Variants in GPR158 observed in about 807,000 individuals in gnomAD.
The protein encoded by GPR158 is metabotropic glycine receptor.
In GPR158, 30 loss-of-function variants were observed where a neutral mutation model predicts 78.2. The observed-to-expected ratio is 0.38, with a 90% CI of 0.29 to 0.52. GPR158 has a LOEUF of 0.52. GPR158 is among the 20% of genes least tolerant of loss of function. GPR158 has a pLI of 0.83. For missense variants in GPR158, 1,463 were observed against 1,523.5 expected (o/e 0.96, Z 0.66); for synonymous variants, 581 against 591.1 (o/e 0.98, Z 0.25).
chr10:25,253,991 A>C (rs1463490324), intron 2 of GPR158, among the ~76,000 whole-genome samples: 1 of 152,222 alleles, frequency 6.6e-6, no homozygotes, highest in Non-Finnish European at 1.5e-5. Flanking sequence ...AGCATTGTTT[A>C]GTTTGCTCTT....
At chr10:25,364,545 T>A (rs1855691468) in intron 2 of GPR158, among the ~76,000 whole-genome samples, 1 of 151,924 alleles carries the variant, frequency 6.6e-6, no homozygotes, top group Non-Finnish European at 1.5e-5. Context: ...TTTTTGACTC[T>A]TTAATGCTAA....
chr10:25,209,952 G>C lies in GPR158; in HGVS notation c.903-11100G>C, dbSNP rs141968635. ...AGTTCTGGGCTTGAGCTAAATGATAGAGATGCAGGGTGTTTTTGTGAGCAA... is the reference window on the plus strand; with the variant it reads ...AGTTCTGGGCTTGAGCTAAATGATACAGATGCAGGGTGTTTTTGTGAGCAA... On this transcript the variant is annotated intron_variant, in intron 1 of 10. Transcript: ENST00000376351. 1.6e-3 allele frequency among the ~76,000 whole-genome samples: 240 copies of C among 152,336 alleles called. 1 individual carries two copies. Among genetic ancestry groups the C allele is most frequent in the African/African-American group, 5.7e-3 (235 of 41,568 alleles).
intron 4 of GPR158, among the ~76,000 whole-genome samples, chr10:25,430,824 A>G (rs1485705432): frequency 6.6e-6 from 1 of 151,464 alleles, no homozygotes; most frequent in African/African-American, 2.4e-5. Flanking sequence ...GAAAGCTGAA[A>G]CTGGATCCCT....
intron 2 of GPR158, among the ~76,000 whole-genome samples, chr10:25,263,456 C>T (rs949042352): frequency 1.3e-5 from 2 of 152,144 alleles, no homozygotes; most frequent in Non-Finnish European, 2.9e-5. Flanking sequence ...AATATCAGTC[C>T]TCCAACTTTG....
intron 6 of GPR158, among the ~76,000 whole-genome samples, chr10:25,562,083 A>T (rs1239855854): frequency 6.6e-6 from 1 of 151,638 alleles, no homozygotes; most frequent in Non-Finnish European, 1.5e-5. Context: ...TTGAGGTAAA[A>T]TTTACATAAC....
In GPR158 at chr10:25,327,698, A is replaced by G. The variant is rs1282000458; in HGVS notation, c.1009-68213A>G. On this transcript the variant is annotated intron_variant, in intron 2 of 10. Transcript: ENST00000376351. ...ACTGCTACTATTGATAGGACAGTTA[A>G]TTGCCTGTGTGCTTCATTTTTAACT... 3.3e-5 allele frequency among the ~76,000 whole-genome samples: 5 copies of G among 152,356 alleles called. No homozygotes were observed. In the East Asian group the frequency reaches 9.6e-4, roughly 29 times the overall value.
chr10:25,464,054 C>G (rs1028176625), intron 4 of GPR158, among the ~76,000 whole-genome samples: 1 of 152,188 alleles, frequency 6.6e-6, no homozygotes, highest in South Asian at 2.1e-4. Flanking sequence ...ACAGGACTTA[C>G]ATTTTATTAT....
chr10:25,461,995 C>T (rs1424619815), intron 4 of GPR158, among the ~76,000 whole-genome samples: 1 of 152,116 alleles, frequency 6.6e-6, no homozygotes, highest in African/African-American at 2.4e-5. Flanking sequence ...CCACGTTGGC[C>T]TCCCAACGTG....
chr10:25,185,443 G>A (rs1463532486), intron 1 of GPR158, among the ~76,000 whole-genome samples: 1 of 152,172 alleles, frequency 6.6e-6, no homozygotes, highest in Non-Finnish European at 1.5e-5. Flanking sequence ...GACTAAATAT[G>A]TAGAATCTGT....
intron 2 of GPR158, among the ~76,000 whole-genome samples, chr10:25,378,459 T>C (rs972374941): frequency 6.6e-6 from 1 of 151,406 alleles, no homozygotes; most frequent in African/African-American, 2.4e-5. Flanking sequence ...CCTTCCTACT[T>C]TCCTTCTTTC....
intron 5 of GPR158, among the ~76,000 whole-genome samples, chr10:25,485,220 T>C (rs987009828): frequency 6.6e-6 from 1 of 151,936 alleles, no homozygotes; most frequent in Non-Finnish European, 1.5e-5. Flanking sequence ...ACACTGAAAA[T>C]GGTTGCAAGT....
intron 2 of GPR158, among the ~76,000 whole-genome samples, chr10:25,377,035 G>T (rs112443053): frequency 7.2e-4 from 109 of 151,756 alleles, no homozygotes; most frequent in African/African-American, 2.5e-3. Context: ...TATTAATCCA[G>T]TTTAGGGTTT....
intron 2 of GPR158, among the ~76,000 whole-genome samples, chr10:25,377,285 G>A (rs573656064): frequency 1.1e-4 from 17 of 151,784 alleles, no homozygotes; most frequent in African/African-American, 4.1e-4. Flanking sequence ...TTACCTGCAT[G>A]CCATCATGTA....
chr10:25,563,007 A>G (rs1836878439), intron 6 of GPR158, among the ~76,000 whole-genome samples: 1 of 152,094 alleles, frequency 6.6e-6, no homozygotes, highest in Non-Finnish European at 1.5e-5. Context: ...TGAGGGATTG[A>G]CCCTTTTATA....
intron 2 of GPR158, among the ~76,000 whole-genome samples, chr10:25,334,416 CTACCTCCCATT>C (rs200190677): frequency 0.033 from 5,066 of 152,054 alleles, 137 homozygotes; most frequent in Non-Finnish European, 0.046. Context: ...TGCTGGAAAC[CTACCTCCCATT>C]TGTTTAATCT....
intron 5 of GPR158, among the ~76,000 whole-genome samples, chr10:25,491,872 CAT>C (rs1269458909): frequency 1.3e-5 from 2 of 152,220 alleles, no homozygotes; most frequent in East Asian, 1.9e-4. Flanking sequence ...AATTGATAGA[CAT>C]GTGGTTTCCT....
Position 25,458,142 on chromosome 10 carries a change from A to T in GPR158, c.1336-8509A>T, listed in dbSNP as rs1835315129. Reference sequence around the variant, plus strand: ...TTTTTGATAAACTTACTCTTCAAAAAGGTCTTATTAAACTGTTCACCTATA... The same window carrying T: ...TTTTTGATAAACTTACTCTTCAAAATGGTCTTATTAAACTGTTCACCTATA... On this transcript the variant is annotated intron_variant, in intron 4 of 10. Transcript: ENST00000376351. Among the ~76,000 whole-genome samples the T allele has an allele frequency of 1.3e-5, 2 of 152,324 alleles. 1 individual carries two copies. The highest frequency in any genetic ancestry group is 3.9e-4 in the East Asian group (2 of 5,176).
intron 2 of GPR158, among the ~76,000 whole-genome samples, chr10:25,230,570 T>C (rs1400035669): frequency 1.3e-5 from 2 of 152,160 alleles, no homozygotes; most frequent in Admixed American, 6.5e-5. Flanking sequence ...TTCCAGGAAA[T>C]AGAAGACTCG....
intron 2 of GPR158, among the ~76,000 whole-genome samples, chr10:25,319,817 A>ACCCC (rs1308985426): frequency 1.2e-5 from 1 of 85,798 alleles, no homozygotes; most frequent in Non-Finnish European, 2.5e-5. Flanking sequence ...ATTGCTGAAC[A>ACCCC]CCCCACCCCC....
Sources: allele counts gnomAD v4.1 joint callset (sites outside exome capture counted in the v4.1 genomes callset), GRCh38; gene constraint gnomAD v4.1.1; transcripts MANE v1.5; gene names NCBI Gene and HGNC (gene_info 2026-07-23, HGNC 2026-07-21).